Variants in NEBL observed in about 807,000 individuals in gnomAD.
NEBL encodes LIM and SH3 protein 2.
NEBL carries 122 observed loss-of-function variants against 140.2 expected under a neutral mutation model. That is an observed-to-expected ratio of 0.87 (90% CI 0.75 to 1.01). NEBL has a LOEUF of 1.01. Among genes scored for constraint, NEBL ranks in the 50% least tolerant of loss-of-function variants. The probability of loss-of-function intolerance (pLI) is 0.00; values close to 1 mark genes in which losing one functional copy is unlikely to be tolerated. For synonymous variants in NEBL, 436 were observed against 398.9 expected (o/e 1.09, Z -1.11); for missense variants, 1,365 against 1,231.3 (o/e 1.11, Z -1.62).
Position 20,806,250 on chromosome 10 carries a change from C to T in NEBL, c.2761+2260G>A, listed in dbSNP as rs185296608. ...CTGCTGCAGAGGGAGTAGAGGCATC[C>T]AAGCAGAGGCCCTCCGAATTCCTGA... On this transcript the variant is annotated intron_variant, in intron 26 of 27. Coordinates refer to ENST00000377122, the MANE Select transcript of NEBL (RefSeq NM_006393.3). Among the ~76,000 whole-genome samples, 16 of 151,754 alleles carry T rather than the reference C, an allele frequency of 1.1e-4. No individual in the cohort carries two copies. In the East Asian group the frequency reaches 1.8e-3, roughly 17 times the overall value.
intron 3 of NEBL, among the ~76,000 whole-genome samples, chr10:20,965,813 C>T (rs538624856): frequency 6.6e-6 from 1 of 152,192 alleles, no homozygotes; most frequent in Non-Finnish European, 1.5e-5. Context: ...TGTCCCAGGA[C>T]CACAGAAGAA....
chr10:20,882,340 A>C (rs1846089344), intron 4 of NEBL, among the ~76,000 whole-genome samples: 1 of 134,426 alleles, frequency 7.4e-6, no homozygotes, highest in Non-Finnish European at 1.7e-5. Flanking sequence ...GGAGAGAGGA[A>C]AAGGAAAAGG....
At chr10:21,181,388 T>C (rs1172245150) in intron 3 of NEBL, among the ~76,000 whole-genome samples, 1 of 147,158 alleles carries the variant, frequency 6.8e-6, no homozygotes, top group Non-Finnish European at 1.5e-5. Context: ...GAAGGTAGCG[T>C]TTTCTGTAAA....
chr10:21,038,139 G>A (rs1245730671), intron 2 of NEBL, among the ~76,000 whole-genome samples: 2 of 152,112 alleles, frequency 1.3e-5, no homozygotes, highest in South Asian at 2.1e-4. Context: ...ACTATGAGGG[G>A]AAAAGCATGA....
At chr10:21,144,443 G>A (rs983896102) in intron 2 of NEBL, among the ~76,000 whole-genome samples, 1 of 152,156 alleles carries the variant, frequency 6.6e-6, no homozygotes, top group African/African-American at 2.4e-5. Context: ...AATCAGAATG[G>A]GGCCGGGTGC....
chr10:21,240,583 C>T (rs1036909319), intron 3 of NEBL, among the ~76,000 whole-genome samples: 15 of 152,018 alleles, frequency 9.9e-5, no homozygotes, highest in Admixed American at 7.2e-4. Context: ...CGCGCTACTG[C>T]ACTCCAGCCT....
At chr10:20,851,564 A>G (rs979123617) in intron 10 of NEBL, among the ~76,000 whole-genome samples, 2 of 151,736 alleles carry the variant, frequency 1.3e-5, no homozygotes, top group African/African-American at 4.8e-5. Flanking sequence ...TCACAAGATC[A>G]GGAGTTTGAG....
intron 3 of NEBL, among the ~76,000 whole-genome samples, chr10:20,971,437 ATT>A (rs910210672): frequency 6.7e-6 from 1 of 150,156 alleles, no homozygotes; most frequent in African/African-American, 2.4e-5. Context: ...ACAGAATAGA[ATT>A]TTTTTTTCTT....
At chr10:21,165,079 G>C (rs190136656) in intron 2 of NEBL, among the ~76,000 whole-genome samples, 1 of 152,166 alleles carries the variant, frequency 6.6e-6, no homozygotes, top group Non-Finnish European at 1.5e-5. Flanking sequence ...ACTATTATAA[G>C]TAAAAGAGTG....
chr10:20,954,139 G>C (rs1413606594), intron 4 of NEBL, among the ~76,000 whole-genome samples: 3 of 151,686 alleles, frequency 2.0e-5, no homozygotes, highest in African/African-American at 7.3e-5. Context: ...CTTTGTGCTA[G>C]ACAATGACAC....
intron 2 of NEBL, among the ~76,000 whole-genome samples, chr10:21,065,422 T>C (rs1241398540): frequency 1.3e-5 from 2 of 152,200 alleles, no homozygotes; most frequent in African/African-American, 4.8e-5. Flanking sequence ...CAGTCTTGAC[T>C]TCATAGAAAA....
At chr10:20,886,424 G>A (rs1846525825) in intron 4 of NEBL, among the ~76,000 whole-genome samples, 1 of 152,050 alleles carries the variant, frequency 6.6e-6, no homozygotes, top group Non-Finnish European at 1.5e-5. Context: ...AGCTACTCAG[G>A]AGGCTGAGGC....
At chr10:20,958,087 G>A (rs1589075781) in intron 4 of NEBL, among the ~76,000 whole-genome samples, 2 of 152,152 alleles carry the variant, frequency 1.3e-5, no homozygotes, top group Non-Finnish European at 2.9e-5. Flanking sequence ...TAAACTTGAA[G>A]GTGGGAACCA....
chr10:21,291,180 A>G (rs556786547), intron 1 of NEBL, among the ~76,000 whole-genome samples: 7 of 145,482 alleles, frequency 4.8e-5, no homozygotes, highest in Non-Finnish European at 9.1e-5. Context: ...AAGGAGTGCA[A>G]TGGGGGTGGG....
chr10:20,951,722 A>G (rs999264476), intron 4 of NEBL, among the ~76,000 whole-genome samples: 5 of 152,242 alleles, frequency 3.3e-5, no homozygotes, highest in African/African-American at 1.2e-4. Context: ...ATTATTAATG[A>G]TAGTCACATC....
At chr10:21,233,599 T>C (rs1286533561) in intron 3 of NEBL, among the ~76,000 whole-genome samples, 1 of 146,270 alleles carries the variant, frequency 6.8e-6, no homozygotes, top group Non-Finnish European at 1.5e-5. Context: ...TATTTATGTA[T>C]CTATATATAC....
chr10:20,823,603 C>T (rs535609787), intron 18 of NEBL, among the ~76,000 whole-genome samples: 1 of 152,090 alleles, frequency 6.6e-6, no homozygotes, highest in South Asian at 2.1e-4. Context: ...AAACCTTGTA[C>T]ATTATCGTAA....
Position 20,812,914 on chromosome 10 carries a change from T to G in NEBL, c.2373A>C (p.Lys791Asn), listed in dbSNP as rs1312899198. 2.5e-6 allele frequency: 4 copies of G among 1,613,772 alleles called. No homozygotes were observed. Among genetic ancestry groups the G allele is most frequent in the African/African-American group, 1.3e-5 (1 of 74,884 alleles). ...SMVKYHEDFE[K>N]TKGRGFTPVV... Reference sequence around the variant, plus strand: ...CGGGAGTAAAGCCTCTCCCCTTTGTTTTTTCAAAATCTTCATGGTATTTTA... The same window carrying G: ...CGGGAGTAAAGCCTCTCCCCTTTGTGTTTTCAAAATCTTCATGGTATTTTA... The change falls in exon 24 of 28, where the codon AAA becomes AAC. Residue 791 changes from lysine to asparagine, a missense_variant. By Grantham distance (94) the Lys-to-Asn change is moderately conservative. Coordinates refer to ENST00000377122, the MANE Select transcript of NEBL (RefSeq NM_006393.3).
chr10:21,028,487 T>C (rs1833634954), intron 2 of NEBL, among the ~76,000 whole-genome samples: 1 of 151,844 alleles, frequency 6.6e-6, no homozygotes, highest in African/African-American at 2.4e-5. Flanking sequence ...CAAACACACA[T>C]TGTGTGGAAT....
Sources: allele counts gnomAD v4.1 joint callset (sites outside exome capture counted in the v4.1 genomes callset), GRCh38; gene constraint gnomAD v4.1.1; transcripts MANE v1.5; gene names NCBI Gene and HGNC (gene_info 2026-07-23, HGNC 2026-07-21).